FMN1: variants seen among roughly 807,000 people sequenced by gnomAD.
FMN1 encodes the protein formin-1.
Under a neutral mutation model 132.4 loss-of-function variants are expected in FMN1, and 110 were observed. The observed-to-expected ratio is 0.83, with a 90% CI of 0.71 to 0.97. The LOEUF is 0.97. Among genes scored for constraint, FMN1 ranks in the 50% least tolerant of loss-of-function variants. The pLI is 0.00. For missense variants in FMN1, 1,792 were observed against 1,705.3 expected (o/e 1.05, Z -0.90); for synonymous variants, 722 against 651.7 (o/e 1.11, Z -1.64).
At position 32,966,667 on chromosome 15, in the gene FMN1, T is replaced by C. The variant is rs79822318; in HGVS notation, c.2987+2047A>G. 0.011 allele frequency among the ~76,000 whole-genome samples: 1,638 copies of C among 152,206 alleles called. 51 individuals are homozygous for C. In the East Asian group the frequency reaches 0.11, roughly 10 times the overall value. ...AGTTCATACCAGGAGTCAAAAGCAA[T>C]TTAGGTAGATGAGAGGCAGTGTACA... On this transcript the variant is annotated intron_variant, in intron 8 of 20. Transcript: ENST00000616417.
intron 4 of FMN1, among the ~76,000 whole-genome samples, chr15:33,147,449 A>G (rs1595566261): frequency 6.6e-6 from 1 of 152,312 alleles, no homozygotes. Context: ...CTATTTCTAC[A>G]CATCTTTGGA....
intron 7 of FMN1, among the ~76,000 whole-genome samples, chr15:32,976,822 C>G (rs1177234710): frequency 6.6e-6 from 1 of 152,142 alleles, no homozygotes; most frequent in Non-Finnish European, 1.5e-5. Flanking sequence ...ATGGTGCTGA[C>G]CTCAAGTAAT....
chr15:33,049,378 C>T (rs1458277292), intron 6 of FMN1, among the ~76,000 whole-genome samples: 3 of 152,140 alleles, frequency 2.0e-5, no homozygotes, highest in Admixed American at 6.5e-5. Context: ...CCAGAACAGA[C>T]CAGGTTTGTT....
In FMN1 at chr15:32,812,909, C is replaced by T. The variant is rs551291297; in HGVS notation, c.3929-8577G>A. ...TAATAATTTGTATAGGTGACAGGTA[C>T]AATTTCAGAGATCACAATATACAGT... is the stretch of plus-strand genomic sequence containing the variant. On this transcript the variant is annotated intron_variant, in intron 17 of 20. Coordinates refer to ENST00000616417, the MANE Select transcript of FMN1 (RefSeq NM_001277313.2). 2.6e-5 allele frequency among the ~76,000 whole-genome samples: 4 copies of T among 152,240 alleles called. No homozygotes were observed. The South Asian group carries it at 8.3e-4, about 32-fold the overall frequency.
intron 4 of FMN1, among the ~76,000 whole-genome samples, chr15:33,119,605 G>GC (rs1404699254): frequency 6.6e-6 from 1 of 152,152 alleles, no homozygotes; most frequent in Non-Finnish European, 1.5e-5. Flanking sequence ...TGAAGAGCTT[G>GC]CTTTTATTTT....
chr15:32,887,640 T>C (rs565653582), intron 16 of FMN1, among the ~76,000 whole-genome samples: 156 of 152,320 alleles, frequency 1.0e-3, no homozygotes, highest in Non-Finnish European at 1.9e-3. Context: ...GATATACATA[T>C]ATATTTAAAG....
intron 9 of FMN1, among the ~76,000 whole-genome samples, chr15:32,951,161 GTTTA>G (rs753831571): frequency 6.6e-6 from 1 of 152,102 alleles, no homozygotes; most frequent in African/African-American, 2.4e-5. Context: ...TTCTACATAT[GTTTA>G]TTTATTTATA....
Position 32,910,461 on chromosome 15 carries a change from C to G in FMN1, c.3288+13G>C. The stretch of plus-strand genomic sequence containing the variant: ...ATATGGAAATACTAGCTCTGTAAGT[C>G]TTTGACACTCACGTTTTCATATAAG... On this transcript the variant is annotated intron_variant, in intron 11 of 20. Coordinates refer to ENST00000616417, the MANE Select transcript of FMN1 (RefSeq NM_001277313.2). 1.3e-6 allele frequency: 2 copies of G among 1,562,458 alleles called. No homozygotes were observed. The highest frequency in any genetic ancestry group is 1.7e-6 in the Non-Finnish European group (2 of 1,150,140).
At chr15:32,813,147 G>C (rs147403977) in intron 17 of FMN1, among the ~76,000 whole-genome samples, 95 of 152,262 alleles carry the variant, frequency 6.2e-4, no homozygotes, top group African/African-American at 2.0e-3. Context: ...ATGGGTGTAG[G>C]TTATAGCAAT....
At chr15:32,791,766 C>T (rs1030411874) in intron 19 of FMN1, among the ~76,000 whole-genome samples, 2 of 152,054 alleles carry the variant, frequency 1.3e-5, no homozygotes, top group African/African-American at 4.8e-5. Context: ...TCCAGCCTGC[C>T]TTTTGCTAAT....
In FMN1 at chr15:32,969,284, T is replaced by G; in HGVS notation, c.2417A>C (p.Gln806Pro). Residue 806 changes from glutamine to proline, a missense_variant, in exon 8 of 21, where the codon CAG becomes CCG. Physicochemically the swap from Gln to Pro is moderately conservative, Grantham distance 76. Coordinates refer to ENST00000616417, the MANE Select transcript of FMN1 (RefSeq NM_001277313.2). ...PPKTFRNVCVQTDRETFLKPC... is the reference protein window; with the variant it reads ...PPKTFRNVCVPTDRETFLKPC... ...CTTGAGGAAGGTCTCTCTGTCTGTC[T>G]GGACGCACACATTTCTGAAGGTCTT... is the stretch of plus-strand genomic sequence containing the variant. 6.2e-7 allele frequency: 1 copy of G among 1,613,996 alleles called. No individual in the cohort carries two copies. The highest frequency in any genetic ancestry group is 8.5e-7 in the Non-Finnish European group (1 of 1,179,896).
At chr15:32,989,851 AG>A (rs779884899) in intron 7 of FMN1, among the ~76,000 whole-genome samples, 1 of 152,176 alleles carries the variant, frequency 6.6e-6, no homozygotes, top group Non-Finnish European at 1.5e-5. Flanking sequence ...GGAGTTGTCA[AG>A]GATGCATCTG....
chr15:33,109,384 G>A (rs187192284), intron 4 of FMN1, among the ~76,000 whole-genome samples: 39 of 152,066 alleles, frequency 2.6e-4, no homozygotes, highest in Non-Finnish European at 4.4e-4. Context: ...TAAAAGAATT[G>A]CAAGCCAAAT....
intron 5 of FMN1, among the ~76,000 whole-genome samples, chr15:33,071,122 C>CT (rs1401577654): frequency 3.3e-5 from 5 of 152,172 alleles, no homozygotes; most frequent in Admixed American, 3.3e-4. Context: ...ACTTTATCCT[C>CT]TTAAATGACA....
chr15:32,984,002 T>C (rs182223520), intron 7 of FMN1, among the ~76,000 whole-genome samples: 4 of 152,324 alleles, frequency 2.6e-5, no homozygotes, highest in Admixed American at 6.5e-5. Context: ...CACAATGTTA[T>C]GTTCCATTTA....
chr15:33,112,601 T>C (rs1319570054), intron 4 of FMN1, among the ~76,000 whole-genome samples: 2 of 152,050 alleles, frequency 1.3e-5, no homozygotes, highest in Non-Finnish European at 2.9e-5. Context: ...CCAAAGATAT[T>C]AGAGGCAAGA....
At chr15:32,877,036 A>G (rs894103326) in intron 16 of FMN1, among the ~76,000 whole-genome samples, 2 of 152,222 alleles carry the variant, frequency 1.3e-5, no homozygotes, top group African/African-American at 4.8e-5. Flanking sequence ...CTGTAATCCC[A>G]GCACTTTGGG....
At chr15:33,192,967 A>C in intron 2 of FMN1, among the ~76,000 whole-genome samples, 1 of 152,228 alleles carries the variant, frequency 6.6e-6, no homozygotes. Flanking sequence ...TGAGCTAGTC[A>C]GTGGCTGGTC....
intron 16 of FMN1, among the ~76,000 whole-genome samples, chr15:32,875,816 C>T (rs2059623359): frequency 6.6e-6 from 1 of 152,152 alleles, no homozygotes; most frequent in Non-Finnish European, 1.5e-5. Flanking sequence ...CAAAACTATC[C>T]ACTACTCTAT....
Sources: allele counts gnomAD v4.1 joint callset (sites outside exome capture counted in the v4.1 genomes callset), GRCh38; gene constraint gnomAD v4.1.1; transcripts MANE v1.5; gene names NCBI Gene and HGNC (gene_info 2026-07-23, HGNC 2026-07-21).